The following DNAI2 variants were observed in gnomAD, a reference collection of about 807,000 sequenced individuals.
The protein encoded by DNAI2 is dynein axonemal intermediate chain 2.
A neutral mutation model predicts 74.7 loss-of-function variants in DNAI2; 63 were observed. That is an observed-to-expected ratio of 0.84 (90% confidence interval 0.69 to 1.04). The LOEUF (loss-of-function observed/expected upper bound fraction) is 1.04, where lower values mean the gene tolerates loss of function less well. Among genes scored for constraint, DNAI2 ranks in the 50% least tolerant of loss-of-function variants. The pLI, the probability that DNAI2 is intolerant of heterozygous loss-of-function variation, is 0.00. For missense variants in DNAI2, 688 were observed against 803.2 expected (o/e 0.86, Z 1.73); for synonymous variants, 289 against 314.9 (o/e 0.92, Z 0.87).
chr17:74,286,718 C>T (rs1355733402), intron 3 of DNAI2, among the ~76,000 whole-genome samples: 1 of 152,180 alleles, frequency 6.6e-6, no homozygotes, highest in Non-Finnish European at 1.5e-5. Flanking sequence ...AGCCACCGCA[C>T]CCAGCCCATC....
chr17:74,310,344 C>G (rs1278747532), intron 11 of DNAI2, among the ~76,000 whole-genome samples, 181 bp downstream of exon 11: 1 of 143,828 alleles, frequency 7.0e-6, no homozygotes, highest in Non-Finnish European at 1.5e-5. Context: ...TGCCTTTGCT[C>G]AACTGCTGGG....
intron 9 of DNAI2, among the ~76,000 whole-genome samples, chr17:74,306,728 C>T (rs1411510656): frequency 6.6e-6 from 1 of 152,246 alleles, no homozygotes; most frequent in Non-Finnish European, 1.5e-5. Context: ...TGCGATTCTC[C>T]TGCCTTATCC....
chr17:74,279,659 C>T (rs1339848348), intron 1 of DNAI2, among the ~76,000 whole-genome samples: 1 of 152,194 alleles, frequency 6.6e-6, no homozygotes, highest in Admixed American at 6.5e-5. Flanking sequence ...TCCTGAGTAG[C>T]TGTGATTACA....
rs1321558788 is a variant in DNAI2 at position 74,286,978 on chromosome 17, T to A, written c.347T>A (p.Ile116Asn). Reference sequence around the variant, plus strand: ...GAACTTCCAATGTGTCCCCCCTAGATCATGGAGCACTGCATCAAGCAGAAC... The same window carrying A: ...GAACTTCCAATGTGTCCCCCCTAGAACATGGAGCACTGCATCAAGCAGAAC... ...YVNAIMQLGS[I>N]MEHCIKQNNA... Residue 116 changes from isoleucine (I) to asparagine (N), a missense_variant and splice_region_variant, in exon 4 of 14, where the codon ATC becomes AAC. Physicochemically the swap from Ile to Asn is moderately radical, Grantham distance 149. Transcript: ENST00000311014. The A allele has an allele frequency of 1.9e-6, 3 of 1,613,560 alleles. No homozygotes were observed.
intron 3 of DNAI2, 91 bp downstream of exon 3, chr17:74,285,292 C>T: frequency 6.7e-7 from 1 of 1,493,222 alleles, no homozygotes; most frequent in Non-Finnish European, 9.2e-7. Flanking sequence ...CTGGCCATCG[C>T]TGTGAGGCTC....
At chr17:74,280,330 A>G (rs911472625) in intron 1 of DNAI2, among the ~76,000 whole-genome samples, 1 of 152,212 alleles carries the variant, frequency 6.6e-6, no homozygotes, top group Non-Finnish European at 1.5e-5. Context: ...GTCAGGTCTC[A>G]GAAAGACTAA....
Position 74,299,756 on chromosome 17 carries a change from C to A in DNAI2, c.763C>A (p.Leu255Ile), listed in dbSNP as rs928153134. 9 of 1,613,450 alleles carry A rather than the reference C, an allele frequency of 5.6e-6. No homozygotes were observed. In the East Asian group the frequency reaches 2.0e-4, roughly 36 times the overall value. Residue 255 changes from leucine (L) to isoleucine (I), a missense_variant, in exon 7 of 14, where the codon CTA (leucine) becomes ATA (isoleucine). Physicochemically the swap from Leu to Ile is conservative, Grantham distance 5. Transcript: ENST00000311014. ...DTRKGSLVAELSTIESSHRDP... is the reference protein window; with the variant it reads ...DTRKGSLVAEISTIESSHRDP... ...CCGAAAGGGCAGCCTGGTGGCGGAGCTATCCACCATTGAGTCCAGCCACCG... is the reference window on the plus strand; with the variant it reads ...CCGAAAGGGCAGCCTGGTGGCGGAGATATCCACCATTGAGTCCAGCCACCG...
intron 12 of DNAI2, among the ~76,000 whole-genome samples, 167 bp downstream of exon 12, chr17:74,312,397 C>A (rs1027388534): frequency 1.3e-5 from 2 of 152,108 alleles, no homozygotes; most frequent in Non-Finnish European, 2.9e-5. Flanking sequence ...CCCTTCCTTC[C>A]AAAGCATCCC....
chr17:74,279,115 T>G (rs966790644), intron 1 of DNAI2, among the ~76,000 whole-genome samples: 5 of 151,830 alleles, frequency 3.3e-5, no homozygotes, highest in South Asian at 2.1e-4. Context: ...TGCAGTGAGC[T>G]GAGATCGTGC....
intron 12 of DNAI2, among the ~76,000 whole-genome samples, chr17:74,312,442 A>G (rs539191515): frequency 5.3e-5 from 8 of 152,182 alleles, no homozygotes; most frequent in Non-Finnish European, 8.8e-5. Flanking sequence ...CCTTACAGGC[A>G]GGAACCATAC....
At chr17:74,285,654 C>T (rs909469138) in intron 3 of DNAI2, among the ~76,000 whole-genome samples, 5 of 151,982 alleles carry the variant, frequency 3.3e-5, no homozygotes, top group Non-Finnish European at 5.9e-5. Flanking sequence ...GAAAAAGAAT[C>T]TCTTATACAT....
At chr17:74,311,955 C>G in intron 11 of DNAI2, 48 bp from the exon 12 acceptor site, 2 of 1,582,114 alleles carry the variant, frequency 1.3e-6, no homozygotes. Context: ...GAGTCGCTTG[C>G]CATCCTGCCC....
chr17:74,281,931 C>G lies in DNAI2; in HGVS notation c.114C>G (p.Ala38=), dbSNP rs763489979. ...NIDIMPNPEL[A]EQFVERNPVD... is the part of the protein sequence containing the mutation. The stretch of plus-strand genomic sequence containing the variant: ...ACATCATGCCCAACCCTGAGCTGGC[C>G]GAGCAGTTCGTGGAGCGGAACCCAG... Residue 38 remains alanine, a synonymous_variant, in exon 2 of 14, where the codon GCC becomes GCG. Coordinates refer to ENST00000311014, the MANE Select transcript of DNAI2 (RefSeq NM_023036.6). 2.5e-6 allele frequency: 4 copies of G among 1,614,156 alleles called. No homozygotes were observed. In the South Asian group the frequency reaches 3.3e-5, roughly 13 times the overall value.
intron 4 of DNAI2, 126 bp downstream of exon 4, chr17:74,287,224 T>G (rs1275908056): frequency 6.9e-7 from 1 of 1,455,972 alleles, no homozygotes; most frequent in East Asian, 2.5e-5. Context: ...CTGAGCTTGA[T>G]AAGTGACGTG....
chr17:74,285,185 T>C lies in DNAI2; in HGVS notation c.329T>C (p.Ile110Thr). The C allele has an allele frequency of 1.9e-6, 3 of 1,614,142 alleles. No individual in the cohort carries two copies. The highest frequency in any genetic ancestry group is 2.5e-6 in the Non-Finnish European group (3 of 1,180,008). ...VEKDENYVNA[I>T]MQLGSIMEHC... The stretch of plus-strand genomic sequence containing the variant: ...AAAGATGAGAACTACGTTAACGCCA[T>C]CATGCAGCTCGGCTCTGTAAGGCTT... The change falls in exon 3 of 14, where the codon ATC becomes ACC. Residue 110 changes from isoleucine (I) to threonine (T), a missense_variant. Physicochemically the swap from Ile to Thr is moderately conservative, Grantham distance 89. Transcript: ENST00000311014.
At chr17:74,276,376 G>T (rs997560115) in intron 1 of DNAI2, among the ~76,000 whole-genome samples, 2 of 152,100 alleles carry the variant, frequency 1.3e-5, no homozygotes, top group African/African-American at 4.8e-5. Flanking sequence ...GGTTCCCACG[G>T]GGGGAGGATC....
intron 5 of DNAI2, 122 bp from the exon 6 acceptor site, chr17:74,290,898 G>A: frequency 1.2e-6 from 1 of 852,106 alleles, no homozygotes; most frequent in East Asian, 2.4e-5. Context: ...AGACTGGAGG[G>A]GCTTCCAGGC....
In DNAI2 at chr17:74,305,374, G is replaced by T; in HGVS notation, c.1143G>T (p.Leu381=). The change falls in exon 9 of 14, where the codon CTG becomes CTT. Residue 381 remains leucine (L), a synonymous_variant. Coordinates refer to ENST00000311014, the MANE Select transcript of DNAI2 (RefSeq NM_023036.6). ...ACCCCTTCTACCCGAAGAACTTCCT[G>T]ACGGTTGGCGACTGGACAGCCCGCA... ...QRNPFYPKNF[L]TVGDWTARIW... 1 of 1,614,188 alleles carries T rather than the reference G, an allele frequency of 6.2e-7. No individual in the cohort carries two copies. Among genetic ancestry groups the T allele is most frequent in the Non-Finnish European group, 8.5e-7 (1 of 1,180,042 alleles).
intron 8 of DNAI2, among the ~76,000 whole-genome samples, chr17:74,302,564 T>C (rs940142183): frequency 6.7e-6 from 1 of 149,952 alleles, no homozygotes; most frequent in Non-Finnish European, 1.5e-5. Flanking sequence ...CGAAACTCCA[T>C]CTCAAAAAAA....
Sources: allele counts gnomAD v4.1 joint callset (sites outside exome capture counted in the v4.1 genomes callset), GRCh38; gene constraint gnomAD v4.1.1; transcripts MANE v1.5; gene names NCBI Gene and HGNC (gene_info 2026-07-23, HGNC 2026-07-21).